The following DNAH11 variants were observed in gnomAD, a reference collection of about 807,000 sequenced individuals.
DNAH11 encodes the protein dynein axonemal heavy chain 11, also known as axonemal beta dynein heavy chain 11.
Under a neutral mutation model 526.0 loss-of-function variants are expected in DNAH11, and 442 were observed. The ratio of observed to expected loss-of-function variants is 0.84; its 90% confidence interval spans 0.78 to 0.91. DNAH11 has a LOEUF of 0.91. DNAH11 is among the 40% of genes least tolerant of loss of function. The pLI is 0.00. For missense variants in DNAH11, 6,989 were observed against 5,448.7 expected, an observed-to-expected ratio of 1.28 and a Z score of -8.90; for synonymous variants, 2,461 against 1,935.9, an observed-to-expected ratio of 1.27 and a Z score of -7.12.
intron 2 of DNAH11, among the ~76,000 whole-genome samples, chr7:21,546,968 G>A (rs1373173341): frequency 6.6e-6 from 1 of 152,152 alleles, no homozygotes; most frequent in East Asian, 1.9e-4. Flanking sequence ...CACAGCAAAG[G>A]CACACTTGCT....
At chr7:21,814,409 C>T (rs1002953467) in intron 63 of DNAH11, among the ~76,000 whole-genome samples, 2 of 150,348 alleles carry the variant, frequency 1.3e-5, no homozygotes, top group African/African-American at 4.9e-5. Context: ...TACATGTGCA[C>T]ATTGTGCGGG....
chr7:21,687,619 C>G (rs1783437432), intron 34 of DNAH11, 92 bp downstream of exon 34: 3 of 1,408,908 alleles, frequency 2.1e-6, no homozygotes, highest in South Asian at 1.4e-5. Flanking sequence ...CTACCTCTCC[C>G]TGTCTCATGA....
chr7:21,710,682 T>C lies in DNAH11; in HGVS notation c.6813T>C (p.Asn2271=). 6.2e-7 allele frequency: 1 copy of C among 1,612,788 alleles called. No individual in the cohort carries two copies. Among genetic ancestry groups the C allele is most frequent in the Non-Finnish European group, 8.5e-7 (1 of 1,179,322 alleles). Residue 2271 remains asparagine (N), a synonymous_variant, in exon 41 of 82, where the codon AAT becomes AAC. Transcript: ENST00000409508. ...DIDPMWIESL[N]TVMDDNKVLT... is the part of the protein sequence containing the mutation. ...ACCCCATGTGGATTGAATCACTGAA[T>C]ACTGTAATGGATGATAACAAGGTGA...
chr7:21,788,497 A>C (rs61063466), intron 60 of DNAH11, among the ~76,000 whole-genome samples: 1,970 of 152,136 alleles, frequency 0.013, 49 homozygotes, highest in African/African-American at 0.045. Flanking sequence ...AAAGACAAGC[A>C]TAGAGCTTGA....
intron 49 of DNAH11, 137 bp downstream of exon 49, chr7:21,742,303 A>G (rs1001133697): frequency 3.4e-5 from 37 of 1,076,686 alleles, no homozygotes; most frequent in Non-Finnish European, 4.2e-5. Flanking sequence ...TAATTGGCTT[A>G]TGGTTCTGCA....
Position 21,872,140 on chromosome 7 carries a change from A to AAAACAAAACAAAAC in DNAH11, c.11968-1131_11968-1130insCAAAACAAAACAAA, listed in dbSNP as rs1233595083. ...CTCTGTCTCAAAAAAAAAAAAAAAA[A>AAAACAAAACAAAAC]AAAAAAAAACCTTCATAATGACCAC... On this transcript the variant is annotated intron_variant, in intron 73 of 81. Coordinates refer to ENST00000409508, the MANE Select transcript of DNAH11 (RefSeq NM_001277115.2). Among the ~76,000 whole-genome samples the AAAACAAAACAAAAC allele has an allele frequency of 4.3e-4, 63 of 146,722 alleles. 4 individuals carry two copies. Among genetic ancestry groups the AAAACAAAACAAAAC allele is most frequent in the Admixed American group, 1.0e-3 (15 of 14,718 alleles).
At chr7:21,855,452 A>G (rs1782807034) in intron 68 of DNAH11, among the ~76,000 whole-genome samples, 1 of 152,240 alleles carries the variant, frequency 6.6e-6, no homozygotes, top group African/African-American at 2.4e-5. Context: ...ACAACTATTT[A>G]TTGAGTCACT....
At chr7:21,809,474 A>C (rs928535773) in intron 63 of DNAH11, among the ~76,000 whole-genome samples, 10 of 152,114 alleles carry the variant, frequency 6.6e-5, no homozygotes, top group Admixed American at 3.9e-4. Context: ...AATTTTTCCT[A>C]TAGTTGTTTT....
chr7:21,831,637 C>T (rs1781773984), intron 65 of DNAH11, among the ~76,000 whole-genome samples: 1 of 152,140 alleles, frequency 6.6e-6, no homozygotes, highest in South Asian at 2.1e-4. Flanking sequence ...GAGAAAATAA[C>T]ACCTATTCCC....
At chr7:21,700,582 C>G (rs189170207) in intron 36 of DNAH11, among the ~76,000 whole-genome samples, 1 of 152,096 alleles carries the variant, frequency 6.6e-6, no homozygotes, top group East Asian at 1.9e-4. Flanking sequence ...TCAGAAACAC[C>G]ATTTGACCCA....
At chr7:21,802,386 C>T (rs773189545) in intron 62 of DNAH11, among the ~76,000 whole-genome samples, 3 of 152,124 alleles carry the variant, frequency 2.0e-5, no homozygotes, top group Non-Finnish European at 4.4e-5. Context: ...TAAAATTGTT[C>T]TGCGTCTTTG....
intron 54 of DNAH11, among the ~76,000 whole-genome samples, chr7:21,757,109 A>G (rs987392424): frequency 2.0e-5 from 3 of 152,240 alleles, no homozygotes; most frequent in Non-Finnish European, 4.4e-5. Context: ...CAGTGCACAC[A>G]TTAATTCCAC....
chr7:21,797,538 T>C (rs1040339173), intron 61 of DNAH11, among the ~76,000 whole-genome samples: 1 of 152,200 alleles, frequency 6.6e-6, no homozygotes, highest in African/African-American at 2.4e-5. Context: ...TTTTTTCTAG[T>C]ACATGTACAG....
At chr7:21,582,112 A>G (rs1214271024) in intron 9 of DNAH11, 91 bp downstream of exon 9, 9 of 797,894 alleles carry the variant, frequency 1.1e-5, no homozygotes, top group African/African-American at 8.5e-5. Flanking sequence ...CAGGTAGAGT[A>G]TTCACTAGGT....
At chr7:21,633,438 C>G (rs1306288032) in intron 25 of DNAH11, among the ~76,000 whole-genome samples, 1 of 152,162 alleles carries the variant, frequency 6.6e-6, no homozygotes, top group Non-Finnish European at 1.5e-5. Flanking sequence ...GTATTGCAGT[C>G]TATCTCATAC....
Position 21,639,012 on chromosome 7 carries a change from G to A in DNAH11, c.4891G>A (p.Val1631Ile), listed in dbSNP as rs766901693. Residue 1631 changes from valine (V) to isoleucine (I), a missense_variant, in exon 28 of 82, where the codon GTC (valine) becomes ATC (isoleucine). Coordinates refer to ENST00000409508, the MANE Select transcript of DNAH11 (RefSeq NM_001277115.2). The stretch of plus-strand genomic sequence containing the variant: ...CATAGCCTTTCCTCGCTTCTATTTC[G>A]TCTCTTCTGCTGATTTACTTGACAT... The part of the protein sequence containing the change: ...KRIAFPRFYF[V>I]SSADLLDILS... The A allele has an allele frequency of 2.8e-5, 45 of 1,613,394 alleles. No homozygotes were observed. Among genetic ancestry groups the A allele is most frequent in the East Asian group, 2.5e-4 (11 of 44,872 alleles).
At chr7:21,897,953 C>T (rs1583824281) in intron 79 of DNAH11, among the ~76,000 whole-genome samples, 1 of 152,162 alleles carries the variant, frequency 6.6e-6, no homozygotes, top group South Asian at 2.1e-4. Context: ...TCACTCTAAC[C>T]CTTTACCTCT....
intron 45 of DNAH11, among the ~76,000 whole-genome samples, chr7:21,731,950 G>T (rs968806261): frequency 6.6e-6 from 1 of 152,090 alleles, no homozygotes; most frequent in Admixed American, 6.5e-5. Context: ...ATCTCTTAGT[G>T]TACCTAATTT....
chr7:21,733,367 A>G (rs1267302407), intron 45 of DNAH11, among the ~76,000 whole-genome samples: 1 of 152,172 alleles, frequency 6.6e-6, no homozygotes, highest in African/African-American at 2.4e-5. Flanking sequence ...CAGCCTCAGC[A>G]ACAAGAGCGA....
Sources: gnomAD v4.1 joint callset for allele counts (sites outside exome capture counted in the v4.1 genomes callset) on GRCh38, gnomAD v4.1.1 for gene constraint, MANE v1.5 for transcripts, NCBI Gene and HGNC (gene_info 2026-07-23, HGNC 2026-07-21) for gene names.